The following NTM variants were observed in gnomAD, a reference collection of about 807,000 sequenced individuals.
NTM encodes the protein IgLON family member 2.
Under a neutral mutation model 42.1 loss-of-function variants are expected in NTM, and 13 were observed. The observed-to-expected ratio is 0.31, with a 90% CI of 0.20 to 0.49. NTM has a LOEUF of 0.49. Among genes scored for constraint, NTM ranks in the 20% least tolerant of loss-of-function variants. NTM has a pLI of 0.99. For synonymous variants in NTM, 187 were observed against 179.2 expected, an observed-to-expected ratio of 1.04 and a Z score of -0.35; for missense variants, 373 against 452.8, an observed-to-expected ratio of 0.82 and a Z score of 1.60.
At chr11:131,893,698 C>T (rs2051753564) in intron 1 of NTM, among the ~76,000 whole-genome samples, 1 of 152,286 alleles carries the variant, frequency 6.6e-6, no homozygotes, top group Admixed American at 6.5e-5. Flanking sequence ...CCCCTTACAG[C>T]AGATGCTTAA....
intron 2 of NTM, among the ~76,000 whole-genome samples, chr11:131,947,504 C>T (rs547533723): frequency 1.3e-5 from 2 of 152,246 alleles, no homozygotes; most frequent in African/African-American, 4.8e-5. Flanking sequence ...CATAGAAACA[C>T]TCAGAAAGTG....
chr11:131,372,927 T>C (rs1458343994), intron 1 of NTM, among the ~76,000 whole-genome samples: 1 of 152,192 alleles, frequency 6.6e-6, no homozygotes, highest in Admixed American at 6.5e-5. Flanking sequence ...GTCTTGTTCC[T>C]AACTTGGGGT....
intron 2 of NTM, among the ~76,000 whole-genome samples, chr11:132,058,319 A>G (rs771640007): frequency 6.6e-6 from 1 of 152,102 alleles, no homozygotes; most frequent in South Asian, 2.1e-4. Flanking sequence ...GGAATGTGCT[A>G]TGGGGCAGTG....
intron 4 of NTM, among the ~76,000 whole-genome samples, chr11:132,229,981 T>G (rs919849643): frequency 2.0e-5 from 3 of 152,246 alleles, no homozygotes; most frequent in African/African-American, 7.2e-5. Context: ...ACTGCCGTCA[T>G]AGAATCTGGG....
chr11:131,963,548 C>T (rs762726763), intron 2 of NTM, among the ~76,000 whole-genome samples: 38 of 152,182 alleles, frequency 2.5e-4, no homozygotes, highest in Non-Finnish European at 2.1e-4. Flanking sequence ...GAGAATATCT[C>T]CTGTGACCTT....
intron 1 of NTM, among the ~76,000 whole-genome samples, chr11:131,434,505 T>C (rs181224192): frequency 0.019 from 2,913 of 152,380 alleles, 95 homozygotes; most frequent in African/African-American, 0.065. Flanking sequence ...TAGTATCTCA[T>C]TGTGGTTTTG....
intron 1 of NTM, among the ~76,000 whole-genome samples, chr11:131,706,620 A>G (rs2076616143): frequency 1.3e-5 from 2 of 152,084 alleles, no homozygotes; most frequent in Admixed American, 6.5e-5. Flanking sequence ...TTAAGATTTA[A>G]ATTTTATCAA....
chr11:131,389,024 A>AAAAAAAAGAAAAGAAAAG (rs774146196), intron 1 of NTM, among the ~76,000 whole-genome samples: 43 of 89,902 alleles, frequency 4.8e-4, no homozygotes, highest in African/African-American at 1.3e-3. Flanking sequence ...AAAAAAAAAA[A>AAAAAAAAGAAAAGAAAAG]AAAAGAAAAG....
intron 2 of NTM, among the ~76,000 whole-genome samples, chr11:131,931,481 GTGTGTGTGTGTGTGTGTGTGTGTA>G (rs2058609479): frequency 6.6e-6 from 1 of 150,992 alleles, no homozygotes; most frequent in African/African-American, 2.4e-5. Context: ...GTGTGTGTGT[GTGTGTGTGTGTGTGTGTGTGTGTA>G]TGTGTGTGTG....
intron 1 of NTM, among the ~76,000 whole-genome samples, chr11:131,783,574 A>G (rs368894712): frequency 3.3e-5 from 5 of 152,152 alleles, no homozygotes; most frequent in Non-Finnish European, 5.9e-5. Context: ...GTGCTCAAAA[A>G]ACTGAATATT....
intron 1 of NTM, among the ~76,000 whole-genome samples, chr11:131,438,387 G>A (rs573651360): frequency 6.6e-6 from 1 of 152,306 alleles, no homozygotes; most frequent in East Asian, 1.9e-4. Flanking sequence ...TTCCAACTTG[G>A]TTCCATTCTC....
rs535246485 is a variant in NTM at position 131,471,277 on chromosome 11, C to T, written c.82+100389C>T. Among the ~76,000 whole-genome samples the T allele has an allele frequency of 3.3e-5, 5 of 152,272 alleles. No individual in the cohort carries two copies. The South Asian group carries it at 8.3e-4, about 25-fold the overall frequency. On this transcript the variant is annotated intron_variant, in intron 1 of 8. Coordinates refer to ENST00000683400, the MANE Select transcript of NTM (RefSeq NM_001352005.2). Reference sequence around the variant, plus strand: ...CAGTTCTGTTTACCTATTTGCCTTCCCAAGGAAGTTTTCCTTGGTTAATCC... The same window carrying T: ...CAGTTCTGTTTACCTATTTGCCTTCTCAAGGAAGTTTTCCTTGGTTAATCC...
chr11:131,405,942 C>T (rs981076811), intron 1 of NTM, among the ~76,000 whole-genome samples: 1 of 152,202 alleles, frequency 6.6e-6, no homozygotes, highest in Non-Finnish European at 1.5e-5. Context: ...TCTGCTGCTG[C>T]TGGCTGCATT....
At chr11:131,522,219 C>T (rs1326966000) in intron 1 of NTM, among the ~76,000 whole-genome samples, 1 of 152,044 alleles carries the variant, frequency 6.6e-6, no homozygotes, top group Non-Finnish European at 1.5e-5. Flanking sequence ...TTCAAATTTC[C>T]TTGGGACCAT....
At chr11:132,046,722 T>C (rs1450296134) in intron 2 of NTM, among the ~76,000 whole-genome samples, 2 of 152,152 alleles carry the variant, frequency 1.3e-5, no homozygotes, top group African/African-American at 4.8e-5. Context: ...GTAGGATGGA[T>C]ACAAGGCACT....
chr11:132,039,898 A>G (rs2076969033), intron 2 of NTM, among the ~76,000 whole-genome samples: 1 of 152,104 alleles, frequency 6.6e-6, no homozygotes, highest in Non-Finnish European at 1.5e-5. Context: ...AACTAAGATA[A>G]CCACCTGAAA....
At chr11:132,295,282 TATG>T (rs2094574094) in intron 4 of NTM, among the ~76,000 whole-genome samples, 1 of 151,944 alleles carries the variant, frequency 6.6e-6, no homozygotes, top group African/African-American at 2.4e-5. Flanking sequence ...CATAATGAAT[TATG>T]ATAGGCTAGA....
intron 1 of NTM, among the ~76,000 whole-genome samples, chr11:131,560,556 C>T (rs990760602): frequency 1.3e-5 from 2 of 152,152 alleles, no homozygotes; most frequent in African/African-American, 4.8e-5. Context: ...AAGTGATTGG[C>T]TTCCTACATG....
chr11:131,372,723 A>G (rs1941387537), intron 1 of NTM, among the ~76,000 whole-genome samples: 1 of 152,124 alleles, frequency 6.6e-6, no homozygotes, highest in African/African-American at 2.4e-5. Flanking sequence ...TTCCACCATC[A>G]ACAGCCCTGC....
Sources: allele counts gnomAD v4.1 joint callset (sites outside exome capture counted in the v4.1 genomes callset), GRCh38; gene constraint gnomAD v4.1.1; transcripts MANE v1.5; gene names NCBI Gene and HGNC (gene_info 2026-07-23, HGNC 2026-07-21).